Variants in CTNNA3 observed in about 807,000 individuals in gnomAD.
CTNNA3 encodes the protein catenin alpha-3.
In CTNNA3, 76 loss-of-function variants were observed where a neutral mutation model predicts 95.7. That is an observed-to-expected ratio of 0.79 (90% confidence interval 0.66 to 0.96). The LOEUF is 0.96. Ranked by LOEUF, CTNNA3 falls within the 40% of genes least tolerant of loss-of-function variation. CTNNA3 has a pLI of 0.00. For synonymous variants in CTNNA3, 431 were observed against 374.4 expected (o/e 1.15, Z -1.74); for missense variants, 1,191 against 1,089.8 (o/e 1.09, Z -1.31).
intron 5 of CTNNA3, among the ~76,000 whole-genome samples, chr10:67,500,720 T>A (rs1040881838): frequency 2.6e-5 from 4 of 152,252 alleles, no homozygotes; most frequent in Non-Finnish European, 4.4e-5. Context: ...TGGTTTAAAG[T>A]CGGTTTTATC....
intron 13 of CTNNA3, among the ~76,000 whole-genome samples, chr10:66,224,663 AG>A (rs1235593249): frequency 6.6e-6 from 1 of 152,172 alleles, no homozygotes; most frequent in Non-Finnish European, 1.5e-5. Context: ...ATTAACTAAT[AG>A]GCTTCCTTAA....
intron 7 of CTNNA3, among the ~76,000 whole-genome samples, chr10:66,862,950 G>A (rs1009987629): frequency 1.3e-5 from 2 of 152,104 alleles, no homozygotes; most frequent in Non-Finnish European, 1.5e-5. Context: ...CTGACTACCT[G>A]TGAATTGAGA....
intron 5 of CTNNA3, among the ~76,000 whole-genome samples, chr10:67,486,071 A>T (rs1192536479): frequency 1.3e-5 from 2 of 152,234 alleles, no homozygotes; most frequent in East Asian, 3.9e-4. Context: ...TATTGGTGAC[A>T]TAGATGTTAC....
chr10:66,351,308 G>C (rs1204458090), intron 12 of CTNNA3, among the ~76,000 whole-genome samples: 2 of 151,994 alleles, frequency 1.3e-5, no homozygotes, highest in Non-Finnish European at 2.9e-5. Flanking sequence ...AACCCATGAG[G>C]TTGCTGTAAG....
intron 2 of CTNNA3, among the ~76,000 whole-genome samples, chr10:67,614,269 C>G (rs1226629731): frequency 1.3e-5 from 2 of 152,168 alleles, no homozygotes; most frequent in Non-Finnish European, 2.9e-5. Flanking sequence ...TTCTCCAAGT[C>G]CCCTACTTGA....
chr10:67,484,268 T>C (rs781290419), intron 5 of CTNNA3, among the ~76,000 whole-genome samples: 1 of 152,212 alleles, frequency 6.6e-6, no homozygotes, highest in Non-Finnish European at 1.5e-5. Context: ...TGACTAGTCA[T>C]ATGCAGAAGA....
At chr10:67,173,404 A>C (rs1453586362) in intron 7 of CTNNA3, among the ~76,000 whole-genome samples, 2 of 152,174 alleles carry the variant, frequency 1.3e-5, no homozygotes, top group African/African-American at 4.8e-5. Context: ...CAATTCTGAA[A>C]GGCCATCCCA....
chr10:67,561,831 C>A (rs1163168509), intron 3 of CTNNA3, among the ~76,000 whole-genome samples: 1 of 152,130 alleles, frequency 6.6e-6, no homozygotes, highest in African/African-American at 2.4e-5. Flanking sequence ...CACAGAAATA[C>A]AAACTACCAT....
intron 5 of CTNNA3, among the ~76,000 whole-genome samples, chr10:67,460,073 C>T (rs1847318683): frequency 2.0e-5 from 3 of 152,142 alleles, no homozygotes; most frequent in Admixed American, 6.6e-5. Flanking sequence ...GTGCTCTAGG[C>T]AGGCTAATGA....
intron 7 of CTNNA3, among the ~76,000 whole-genome samples, chr10:66,842,305 T>C (rs1368187697): frequency 4.0e-5 from 6 of 151,888 alleles, no homozygotes; most frequent in Admixed American, 2.6e-4. Context: ...ATGGAATATA[T>C]AGACACAATC....
chr10:67,516,396 A>G (rs1011365148), intron 5 of CTNNA3, among the ~76,000 whole-genome samples: 1 of 152,168 alleles, frequency 6.6e-6, no homozygotes, highest in African/African-American at 2.4e-5. Flanking sequence ...TCTATATGCT[A>G]TAGTACAACC....
chr10:66,839,259 C>T (rs1842972300), intron 7 of CTNNA3, among the ~76,000 whole-genome samples: 1 of 152,044 alleles, frequency 6.6e-6, no homozygotes, highest in South Asian at 2.1e-4. Flanking sequence ...CTGCTGATTA[C>T]CTACTTGATG....
intron 7 of CTNNA3, among the ~76,000 whole-genome samples, chr10:67,100,122 A>T (rs1858255924): frequency 1.3e-5 from 2 of 151,790 alleles, no homozygotes; most frequent in African/African-American, 2.4e-5. Flanking sequence ...ATTCAAATTG[A>T]TAATGATTTT....
Position 66,012,783 on chromosome 10 carries a change from G to A in CTNNA3, c.2160-23986C>T, listed in dbSNP as rs147346596. Among the ~76,000 whole-genome samples, 160 of 152,254 alleles carry A rather than the reference G, an allele frequency of 1.1e-3. 1 individual carries two copies. Among genetic ancestry groups the A allele is most frequent in the African/African-American group, 3.5e-3 (144 of 41,544 alleles). ...CCACATTAGGGGCCCATAACTCCAT[G>A]GGATAGTTTTCTTTTTGCTAGATTG... On this transcript the variant is annotated intron_variant, in intron 15 of 17. Coordinates refer to ENST00000433211, the MANE Select transcript of CTNNA3 (RefSeq NM_013266.4).
chr10:67,024,040 C>T lies in CTNNA3; in HGVS notation c.1047+156277G>A, dbSNP rs996851143. 3.0e-4 allele frequency among the ~76,000 whole-genome samples: 46 copies of T among 152,314 alleles called. 1 individual carries two copies. Among genetic ancestry groups the T allele is most frequent in the African/African-American group, 9.9e-4 (41 of 41,576 alleles). ...ACAAATTTAGTGGTTTAAAACAACA[C>T]AAGTTTATTATCTTCCGGAGGACAG... On this transcript the variant is annotated intron_variant, in intron 7 of 17. Coordinates refer to ENST00000433211, the MANE Select transcript of CTNNA3 (RefSeq NM_013266.4).
intron 7 of CTNNA3, among the ~76,000 whole-genome samples, chr10:66,966,910 T>G (rs1291099565): frequency 6.6e-6 from 1 of 152,116 alleles, no homozygotes; most frequent in East Asian, 1.9e-4. Context: ...ATTCATTCCC[T>G]GTTTCAAATT....
intron 7 of CTNNA3, among the ~76,000 whole-genome samples, chr10:66,887,571 C>T (rs1845091838): frequency 6.6e-6 from 1 of 151,476 alleles, no homozygotes; most frequent in Non-Finnish European, 1.5e-5. Flanking sequence ...TTCATCAGGG[C>T]CAATGTACCC....
chr10:66,895,904 C>T (rs1213590236), intron 7 of CTNNA3, among the ~76,000 whole-genome samples: 1 of 127,170 alleles, frequency 7.9e-6, no homozygotes, highest in African/African-American at 2.9e-5. Flanking sequence ...ATGGAGAAAA[C>T]CTGTCTCTAC....
intron 10 of CTNNA3, among the ~76,000 whole-genome samples, chr10:66,598,718 A>T (rs1843811970): frequency 6.6e-6 from 1 of 152,028 alleles, no homozygotes; most frequent in South Asian, 2.1e-4. Flanking sequence ...GATACTAAAA[A>T]CTAGAAAAAA....
Sources: gnomAD v4.1 joint callset for allele counts (sites outside exome capture counted in the v4.1 genomes callset) on GRCh38, gnomAD v4.1.1 for gene constraint, MANE v1.5 for transcripts, NCBI Gene and HGNC (gene_info 2026-07-23, HGNC 2026-07-21) for gene names.